The following CFAP299 variants were observed in gnomAD, a reference collection of about 807,000 sequenced individuals.
CFAP299 encodes the protein cilia- and flagella-associated protein 299.
A neutral mutation model predicts 27.0 loss-of-function variants in CFAP299; 21 were observed. That is an observed-to-expected ratio of 0.78 (90% confidence interval 0.55 to 1.12). The LOEUF is 1.12. Among genes scored for constraint, CFAP299 ranks in the 50% most tolerant of loss-of-function variants. The probability of loss-of-function intolerance (pLI) is 0.00; values close to 1 mark genes in which losing one functional copy is unlikely to be tolerated. For missense variants in CFAP299, 310 were observed against 276.6 expected, an observed-to-expected ratio of 1.12 and a Z score of -0.86; for synonymous variants, 104 against 98.1, an observed-to-expected ratio of 1.06 and a Z score of -0.36.
At chr4:80,719,182 T>C (rs1286238257) in intron 3 of CFAP299, among the ~76,000 whole-genome samples, 1 of 152,092 alleles carries the variant, frequency 6.6e-6, no homozygotes, top group Non-Finnish European at 1.5e-5. Flanking sequence ...AAAAATACTG[T>C]CAGATACTAA....
At chr4:80,846,941 C>A (rs2110144037) in intron 3 of CFAP299, among the ~76,000 whole-genome samples, 1 of 152,300 alleles carries the variant, frequency 6.6e-6, no homozygotes, top group Middle Eastern at 3.4e-3. Context: ...GTCCCCTGTT[C>A]TCCTTAGCAA....
intron 2 of CFAP299, among the ~76,000 whole-genome samples, chr4:80,549,606 T>C (rs1049596431): frequency 6.6e-6 from 1 of 152,152 alleles, no homozygotes. Flanking sequence ...CATTGTGGAT[T>C]TTCAACAGGG....
At chr4:80,735,028 A>G (rs1723773324) in intron 3 of CFAP299, among the ~76,000 whole-genome samples, 1 of 152,156 alleles carries the variant, frequency 6.6e-6, no homozygotes, top group Non-Finnish European at 1.5e-5. Flanking sequence ...TTGAATCTGT[A>G]GATTGCTTTA....
At chr4:80,387,902 C>A in intron 2 of CFAP299, 1 of 919,838 alleles carries the variant, frequency 1.1e-6, no homozygotes. Context: ...ACGGTGCCCC[C>A]GGTGGCACTG....
At chr4:80,736,460 T>C (rs1274556055) in intron 3 of CFAP299, among the ~76,000 whole-genome samples, 1 of 151,606 alleles carries the variant, frequency 6.6e-6, no homozygotes, top group Non-Finnish European at 1.5e-5. Context: ...CTCAAACAAA[T>C]TTACAAGAAA....
Position 80,874,988 on chromosome 4 carries a change from T to C in CFAP299, c.476+4853T>C, listed in dbSNP as rs189169522. On this transcript the variant is annotated intron_variant, in intron 4 of 5. Coordinates refer to ENST00000358105, the MANE Select transcript of CFAP299 (RefSeq NM_152770.3). Reference sequence around the variant, plus strand: ...ATAATGTGATAGATATTTTGAGTTATAAAATACATTATTAAAATAATTTTA... The same window carrying C: ...ATAATGTGATAGATATTTTGAGTTACAAAATACATTATTAAAATAATTTTA... 9.6e-4 allele frequency among the ~76,000 whole-genome samples: 147 copies of C among 152,334 alleles called. 2 individuals carry two copies. The highest frequency in any genetic ancestry group is 3.3e-3 in the African/African-American group (138 of 41,576).
chr4:80,873,071 T>C (rs891880095), intron 4 of CFAP299: 33 of 874,782 alleles, frequency 3.8e-5, no homozygotes, highest in Admixed American at 1.9e-4. Context: ...TACTGTCTTA[T>C]AGGATATTAT....
chr4:80,713,005 G>A (rs966430420), intron 3 of CFAP299, among the ~76,000 whole-genome samples: 5 of 151,986 alleles, frequency 3.3e-5, no homozygotes, highest in African/African-American at 1.2e-4. Flanking sequence ...AGTGTGCTGG[G>A]TGCTGGGAAC....
At position 80,669,892 on chromosome 4, in the gene CFAP299, A is replaced by T. The variant is rs115539282; in HGVS notation, c.333+86709A>T. ...CAACTCATTAAGGGTTTTTTATTAT[A>T]AAAAAACCCTTTTTTATTAGTCTTG... is the stretch of plus-strand genomic sequence containing the variant. On this transcript the variant is annotated intron_variant, in intron 3 of 5. Coordinates refer to ENST00000358105, the MANE Select transcript of CFAP299 (RefSeq NM_152770.3). Among the ~76,000 whole-genome samples the T allele has an allele frequency of 5.5e-3, 833 of 151,212 alleles. 11 individuals are homozygous for T. Among genetic ancestry groups the T allele is most frequent in the African/African-American group, 0.019 (775 of 41,384 alleles).
intron 3 of CFAP299, among the ~76,000 whole-genome samples, chr4:80,844,394 T>C (rs1386693916): frequency 6.6e-6 from 1 of 152,204 alleles, no homozygotes; most frequent in Non-Finnish European, 1.5e-5. Flanking sequence ...TTCCTATTTT[T>C]CCACATCCTC....
chr4:80,452,801 G>A (rs567708159), intron 2 of CFAP299, among the ~76,000 whole-genome samples: 20 of 152,296 alleles, frequency 1.3e-4, no homozygotes, highest in East Asian at 5.8e-4. Flanking sequence ...GAAAACATCC[G>A]TCCGCATTGA....
At chr4:80,604,408 C>T (rs1378445316) in intron 3 of CFAP299, among the ~76,000 whole-genome samples, 1 of 152,180 alleles carries the variant, frequency 6.6e-6, no homozygotes, top group South Asian at 2.1e-4. Context: ...ACTGGTGGGT[C>T]CCTGGGCATC....
chr4:80,485,705 GAAAA>G (rs1730783214), intron 2 of CFAP299, among the ~76,000 whole-genome samples: 1 of 151,918 alleles, frequency 6.6e-6, no homozygotes. Context: ...GAAAAGGAAA[GAAAA>G]AAGGATAGAT....
chr4:80,645,966 CA>C, intron 3 of CFAP299, among the ~76,000 whole-genome samples: 1 of 152,284 alleles, frequency 6.6e-6, no homozygotes, highest in South Asian at 2.1e-4. Context: ...GAATTTCTCT[CA>C]GTTTGAAAAA....
chr4:80,352,575 A>C (rs868845365), intron 1 of CFAP299, among the ~76,000 whole-genome samples: 14 of 152,178 alleles, frequency 9.2e-5, no homozygotes, highest in African/African-American at 3.1e-4. Context: ...TCAAAAAAAT[A>C]AATAAATAAA....
At chr4:80,562,008 G>A (rs990197206) in intron 2 of CFAP299, among the ~76,000 whole-genome samples, 2 of 152,062 alleles carry the variant, frequency 1.3e-5, no homozygotes, top group Non-Finnish European at 2.9e-5. Flanking sequence ...AAAAGTGAGG[G>A]AATGAGGTTA....
At chr4:80,917,375 C>T (rs867054857) in intron 4 of CFAP299, among the ~76,000 whole-genome samples, 2 of 152,098 alleles carry the variant, frequency 1.3e-5, no homozygotes, top group South Asian at 2.1e-4. Flanking sequence ...TATCATGTCA[C>T]TCTTACATTA....
At position 80,434,589 on chromosome 4, in the gene CFAP299, C is replaced by T. The variant is rs183575779; in HGVS notation, c.242+71705C>T. Among the ~76,000 whole-genome samples, 222 of 152,292 alleles carry T rather than the reference C, an allele frequency of 1.5e-3. 1 individual carries two copies. Among genetic ancestry groups the T allele is most frequent in the Admixed American group, 3.8e-3 (58 of 15,298 alleles). On this transcript the variant is annotated intron_variant, in intron 2 of 5. Coordinates refer to ENST00000358105, the MANE Select transcript of CFAP299 (RefSeq NM_152770.3). ...TATGTGATATATAAAAAGCCTGCAT[C>T]GCCTGTAAGAGCCCTGGACTACCAT...
intron 3 of CFAP299, among the ~76,000 whole-genome samples, chr4:80,799,187 A>T (rs1370007822): frequency 8.1e-6 from 1 of 122,766 alleles, no homozygotes; most frequent in African/African-American, 3.1e-5. Context: ...TTGTATAAAT[A>T]TATTTATATA....
Sources: allele counts gnomAD v4.1 joint callset (sites outside exome capture counted in the v4.1 genomes callset), GRCh38; gene constraint gnomAD v4.1.1; transcripts MANE v1.5; gene names NCBI Gene and HGNC (gene_info 2026-07-23, HGNC 2026-07-21).